Variants in RP2 observed in about 807,000 individuals in gnomAD.
The protein encoded by RP2 is protein XRP2.
RP2 carries 3 observed loss-of-function variants against 20.3 expected under a neutral mutation model. That is an observed-to-expected ratio of 0.15 (90% CI 0.07 to 0.38). The LOEUF is 0.38. RP2 is among the 10% of genes least tolerant of loss of function. The pLI is 1.00. For missense variants in RP2, 233 were observed against 268.5 expected (o/e 0.87, Z 0.92); for synonymous variants, 75 against 94.8 (o/e 0.79, Z 1.22).
intron 3 of RP2, among the ~76,000 whole-genome samples, chrX:46,861,055 T>C (rs1344752301): frequency 8.9e-6 from 1 of 111,775 alleles, no homozygotes; most frequent in Non-Finnish European, 1.9e-5. Flanking sequence ...CCAGAATATA[T>C]GTAGGAAATT....
chrX:46,854,281 C>T (rs1924917621), intron 2 of RP2, 140 bp downstream of exon 2: 2 of 555,173 alleles, frequency 3.6e-6, no homozygotes, highest in Admixed American at 3.0e-5. Context: ...ACCCCCTCTC[C>T]CAACAGACTC....
intron 3 of RP2, among the ~76,000 whole-genome samples, chrX:46,860,898 C>G (rs1476308859): frequency 8.9e-6 from 1 of 111,928 alleles, no homozygotes; most frequent in Non-Finnish European, 1.9e-5. Flanking sequence ...CTGCAAAAAT[C>G]TGTATGCAAA....
chrX:46,859,933 T>C, intron 2 of RP2, 55 bp from the exon 3 acceptor site: 1 of 833,341 alleles, frequency 1.2e-6, no homozygotes. Context: ...TAGGAAATCA[T>C]TGTTTTAGTC....
intron 3 of RP2, among the ~76,000 whole-genome samples, chrX:46,876,624 AG>A (rs1556327714): frequency 9.0e-6 from 1 of 111,259 alleles, no homozygotes; most frequent in African/African-American, 3.3e-5. Flanking sequence ...CAAGCCTCCA[AG>A]AAAAAAAAAA....
chrX:46,861,953 T>G (rs898812348), intron 3 of RP2, among the ~76,000 whole-genome samples: 101 of 112,400 alleles, frequency 9.0e-4, no homozygotes, highest in African/African-American at 3.0e-3. Flanking sequence ...TATGGAATAT[T>G]GTGAGCTAAA....
chrX:46,842,563 A>G (rs1294367310), intron 1 of RP2, among the ~76,000 whole-genome samples: 4 of 111,925 alleles, frequency 3.6e-5, no homozygotes, highest in Non-Finnish European at 7.5e-5. Flanking sequence ...GCTTATCACC[A>G]TGGTCTAATT....
In RP2 at chrX:46,853,811, A is replaced by G. The variant is rs140187043; in HGVS notation, c.438A>G (p.Gly146=). The G allele has an allele frequency of 2.2e-5, 27 of 1,210,074 alleles. No homozygotes were observed. The African/African-American group carries it at 4.5e-4, about 20-fold the overall frequency. The change falls in exon 2 of 5, where the codon GGA becomes GGG. Residue 146 remains glycine (G), a synonymous_variant. Coordinates refer to ENST00000218340, the MANE Select transcript of RP2 (RefSeq NM_006915.3). ...IIESSSNIKF[G]CFQWYYPELA... ...AGTCTTCCTCAAATATCAAATTTGG[A>G]TGTTTTCAATGGTACTATCCTGAAT...
In RP2 at chrX:46,853,985, C is replaced by G; in HGVS notation, c.612C>G (p.Thr204=). 1 of 1,211,657 alleles carries G rather than the reference C, an allele frequency of 8.3e-7. No individual in the cohort carries two copies. Among genetic ancestry groups the G allele is most frequent in the Non-Finnish European group, 1.1e-6 (1 of 895,503 alleles). The change falls in exon 2 of 5, where the codon ACC becomes ACG. Residue 204 remains threonine (T), a synonymous_variant. Transcript: ENST00000218340. The stretch of plus-strand genomic sequence containing the variant: ...AGGACTATGTTCCTATACCTACTAC[C>G]GAAGAGCTCAAAGCTGTTCGTGTTT... ...VVQDYVPIPT[T]EELKAVRVST... is the part of the protein sequence containing the mutation.
At chrX:46,872,699 T>C (rs1382015318) in intron 3 of RP2, among the ~76,000 whole-genome samples, 1 of 111,910 alleles carries the variant, frequency 8.9e-6, no homozygotes, top group Non-Finnish European at 1.9e-5. Context: ...GTTAATGTTA[T>C]TGCTTTGAAC....
In RP2 at chrX:46,853,698, A is replaced by G. The variant is rs782811141; in HGVS notation, c.325A>G (p.Lys109Glu). 2.5e-6 allele frequency: 3 copies of G among 1,212,088 alleles called. No individual in the cohort carries two copies. The highest frequency in any genetic ancestry group is 3.5e-5 in the South Asian group (2 of 57,026). ...GTTTTTCCGGAATTGCAGAGATTGC[A>G]AGTGCACATTAGCCTGCCAACAATT... is the stretch of plus-strand genomic sequence containing the variant. Reference protein sequence around the residue: ...SVFFRNCRDCKCTLACQQFRV... With the variant: ...SVFFRNCRDCECTLACQQFRV... The change falls in exon 2 of 5, where the codon AAG (lysine) becomes GAG (glutamate). Residue 109 changes from lysine to glutamate, a missense_variant. Lys to Glu is a moderately conservative substitution (Grantham distance 56, BLOSUM62 1). Around this residue, in one of 3 missense-constraint regions of RP2, gnomAD observed 38 missense variants for 72.9 expected, o/e 0.52. Coordinates refer to ENST00000218340, the MANE Select transcript of RP2 (RefSeq NM_006915.3).
chrX:46,872,993 C>T (rs1556326997), intron 3 of RP2, among the ~76,000 whole-genome samples: 1 of 111,551 alleles, frequency 9.0e-6, no homozygotes, highest in Non-Finnish European at 1.9e-5. Context: ...CCTGCCTCAG[C>T]CTCCCAAACT....
chrX:46,839,683 C>G (rs1924582197), intron 1 of RP2, among the ~76,000 whole-genome samples: 1 of 111,885 alleles, frequency 8.9e-6, no homozygotes, highest in Admixed American at 9.5e-5. Flanking sequence ...TTGCTTGCTC[C>G]TAGAAGATTT....
At chrX:46,855,392 G>T (rs1286534295) in intron 2 of RP2, among the ~76,000 whole-genome samples, 1 of 110,992 alleles carries the variant, frequency 9.0e-6, no homozygotes, top group Non-Finnish European at 1.9e-5. Flanking sequence ...CATTAATCAG[G>T]TTCCTTCAGG....
At chrX:46,839,053 C>T (rs1010887683) in intron 1 of RP2, among the ~76,000 whole-genome samples, 2 of 111,176 alleles carry the variant, frequency 1.8e-5, no homozygotes, top group African/African-American at 6.6e-5. Context: ...AATTTCTAAC[C>T]AAATGAGCAT....
At chrX:46,842,478 A>G (rs781899985) in intron 1 of RP2, among the ~76,000 whole-genome samples, 143 of 112,067 alleles carry the variant, frequency 1.3e-3, no homozygotes, top group African/African-American at 4.5e-3. Flanking sequence ...CTATTATTAT[A>G]TATCCATAAA....
Position 46,877,586 on chromosome X carries a change from C to T in RP2, c.965C>T (p.Thr322Ile), listed in dbSNP as rs782714067. The T allele has an allele frequency of 8.7e-7, 1 of 1,154,142 alleles. No individual in the cohort carries two copies. The highest frequency in any genetic ancestry group is 1.8e-5 in the African/African-American group (1 of 56,608). ...ATTGTAAACGAGATATTCAATGGGACCAAGGTACAAGATTTTATTGACTGT... is the reference window on the plus strand; with the variant it reads ...ATTGTAAACGAGATATTCAATGGGATCAAGGTACAAGATTTTATTGACTGT... ...QLIVNEIFNG[T>I]KMFVSESKET... The change falls in exon 4 of 5, where the codon ACC (threonine) becomes ATC (isoleucine). Residue 322 changes from threonine (T) to isoleucine (I), a missense_variant. Around this residue, in one of 3 missense-constraint regions of RP2, gnomAD observed 118 missense variants for 123.8 expected, o/e 0.95. Coordinates refer to ENST00000218340, the MANE Select transcript of RP2 (RefSeq NM_006915.3).
At chrX:46,874,966 A>G (rs1925350246) in intron 3 of RP2, among the ~76,000 whole-genome samples, 1 of 111,589 alleles carries the variant, frequency 9.0e-6, no homozygotes, top group African/African-American at 3.2e-5. Flanking sequence ...TCGTTCCTCC[A>G]TATTTCTTGC....
At chrX:46,876,561 C>T (rs1302851920) in intron 3 of RP2, among the ~76,000 whole-genome samples, 1 of 111,435 alleles carries the variant, frequency 9.0e-6, no homozygotes, top group Non-Finnish European at 1.9e-5. Context: ...CTTGCAGATA[C>T]CTAGGGACCA....
At chrX:46,871,034 T>C (rs1249705329) in intron 3 of RP2, among the ~76,000 whole-genome samples, 1 of 96,761 alleles carries the variant, frequency 1.0e-5, no homozygotes, top group Non-Finnish European at 2.1e-5. Context: ...TTTTTTTTTT[T>C]TTTTTTTTTT....
Sources: gnomAD v4.1 joint callset for allele counts (sites outside exome capture counted in the v4.1 genomes callset) on GRCh38, gnomAD v4.1.1 for gene constraint, gnomAD v4.1.1 regional missense constraint, MANE v1.5 for transcripts, NCBI Gene and HGNC (gene_info 2026-07-23, HGNC 2026-07-21) for gene names.